Variants in SH3KBP1 observed in about 807,000 individuals in gnomAD.
The protein encoded by SH3KBP1 is SH3 domain-containing kinase-binding protein 1.
Under a neutral mutation model 50.1 loss-of-function variants are expected in SH3KBP1, and 8 were observed. The ratio of observed to expected loss-of-function variants is 0.16; its 90% confidence interval spans 0.09 to 0.29. SH3KBP1 has a LOEUF of 0.29. Among genes scored for constraint, SH3KBP1 ranks in the 10% least tolerant of loss-of-function variants. The pLI is 1.00. For synonymous variants in SH3KBP1, 227 were observed against 218.6 expected (o/e 1.04, Z -0.34); for missense variants, 377 against 535.2 (o/e 0.70, Z 2.92).
chrX:19,744,445 G>A (rs1304471726), intron 3 of SH3KBP1, among the ~76,000 whole-genome samples: 3 of 111,475 alleles, frequency 2.7e-5, no homozygotes, highest in Non-Finnish European at 5.7e-5. Flanking sequence ...GGCAGCCCTG[G>A]GCCTGGTACA....
At chrX:19,618,470 C>T (rs993562782) in intron 8 of SH3KBP1, among the ~76,000 whole-genome samples, 2 of 109,475 alleles carry the variant, frequency 1.8e-5, no homozygotes, top group African/African-American at 6.7e-5. Flanking sequence ...CATGCTGGCC[C>T]AACTCCAGGG....
chrX:19,784,003 T>A (rs1230882282), intron 2 of SH3KBP1, among the ~76,000 whole-genome samples: 1 of 112,153 alleles, frequency 8.9e-6, no homozygotes, highest in Non-Finnish European at 1.9e-5. Context: ...CAGGCCATTA[T>A]GTTCCTCAAA....
At chrX:19,555,942 T>C (rs1182982577) in intron 13 of SH3KBP1, among the ~76,000 whole-genome samples, 1 of 111,984 alleles carries the variant, frequency 8.9e-6, no homozygotes, top group Non-Finnish European at 1.9e-5. Context: ...TGTACTGACA[T>C]TTCCTGTTGA....
rs112597365 is a variant in SH3KBP1, at chrX:19,825,531, G to A, written c.162+10594C>T. Among the ~76,000 whole-genome samples the A allele has an allele frequency of 2.9e-3, 324 of 111,309 alleles. 2 individuals are homozygous for A. Among genetic ancestry groups the A allele is most frequent in the African/African-American group, 1.0e-2 (306 of 30,614 alleles). ...TGAGTATGGCTTTTAACACTGATAT[G>A]CCTCAGTTACCTGTCATAGAGTGGT... On this transcript the variant is annotated intron_variant, in intron 2 of 17. Coordinates refer to ENST00000397821, the MANE Select transcript of SH3KBP1 (RefSeq NM_031892.3).
intron 1 of SH3KBP1, among the ~76,000 whole-genome samples, chrX:19,850,782 A>G (rs920617070): frequency 3.6e-5 from 4 of 110,538 alleles, no homozygotes; most frequent in African/African-American, 1.3e-4. Flanking sequence ...AGGGTGCAGC[A>G]AACTTCCACA....
rs1183485738 is a variant in SH3KBP1 at position 19,874,091 on chromosome X, C to A, written c.4+13216G>T. ...AAAATATATATATATATATATAAAA[C>A]TCTAAAAGAAGTACACTAAAATAAA... On this transcript the variant is annotated intron_variant, in intron 1 of 17. Coordinates refer to ENST00000397821, the MANE Select transcript of SH3KBP1 (RefSeq NM_031892.3). Among the ~76,000 whole-genome samples the A allele has an allele frequency of 3.6e-5, 3 of 84,284 alleles. No individual in the cohort carries two copies. The Admixed American group carries it at 3.8e-4, about 11-fold the overall frequency. 73.2% of individuals were successfully genotyped at this position (84,284 alleles called of 115,157 possible). A position where few individuals can be genotyped will look rare whatever the true frequency, so the allele number is the denominator to read the frequency against.
At chrX:19,780,220 T>G (rs57670557) in intron 2 of SH3KBP1, among the ~76,000 whole-genome samples, 1,162 of 107,530 alleles carry the variant, frequency 0.011, 23 homozygotes, top group African/African-American at 0.036. Flanking sequence ...TCATGTGTCT[T>G]TTGGCTGCAT....
chrX:19,758,080 C>T (rs759337010), intron 2 of SH3KBP1, among the ~76,000 whole-genome samples: 1 of 110,357 alleles, frequency 9.1e-6, no homozygotes, highest in Non-Finnish European at 1.9e-5. Flanking sequence ...AATCCCAGCA[C>T]TCTGAGAGGC....
chrX:19,613,866 T>A (rs145953842), intron 8 of SH3KBP1, among the ~76,000 whole-genome samples: 1 of 112,559 alleles, frequency 8.9e-6, no homozygotes, highest in East Asian at 2.8e-4. Context: ...TGTTCCCTAG[T>A]GACGAAAGCT....
chrX:19,797,298 G>A (rs1004626497), intron 2 of SH3KBP1, among the ~76,000 whole-genome samples: 17 of 111,772 alleles, frequency 1.5e-4, no homozygotes, highest in East Asian at 2.8e-4. Context: ...CCTGAAAGAA[G>A]AGAAAGGGCC....
intron 14 of SH3KBP1, 93 bp from the exon 15 acceptor site, chrX:19,546,143 G>A (rs185484510): frequency 3.8e-5 from 38 of 996,469 alleles, no homozygotes; most frequent in Admixed American, 1.2e-4. Context: ...AAAAGCACTC[G>A]ACACTGCTAT....
At chrX:19,881,685 T>C (rs779046891) in intron 1 of SH3KBP1, among the ~76,000 whole-genome samples, 1 of 111,264 alleles carries the variant, frequency 9.0e-6, no homozygotes, top group African/African-American at 3.3e-5. Flanking sequence ...GCATCGTCAA[T>C]AGGCGACACC....
At chrX:19,812,256 C>T (rs1603258896) in intron 2 of SH3KBP1, among the ~76,000 whole-genome samples, 1 of 111,343 alleles carries the variant, frequency 9.0e-6, no homozygotes, top group African/African-American at 3.3e-5. Context: ...TGACTTCATA[C>T]ACCTCATTCC....
chrX:19,700,947 G>A (rs753821967), intron 4 of SH3KBP1, among the ~76,000 whole-genome samples: 5 of 111,911 alleles, frequency 4.5e-5, no homozygotes, highest in Admixed American at 1.9e-4. Context: ...CATGAGAGGC[G>A]GCCCTCGAAG....
At chrX:19,547,107 A>G (rs747695253) in intron 14 of SH3KBP1, among the ~76,000 whole-genome samples, 1 of 109,429 alleles carries the variant, frequency 9.1e-6, no homozygotes, top group Admixed American at 9.7e-5. Flanking sequence ...AGCCATTGAC[A>G]TTGCACCACT....
intron 2 of SH3KBP1, among the ~76,000 whole-genome samples, chrX:19,769,055 T>G (rs2065704063): frequency 9.3e-6 from 1 of 107,658 alleles, no homozygotes; most frequent in South Asian, 4.0e-4. Flanking sequence ...TGAGCAATAT[T>G]ATTATACAGC....
chrX:19,874,068 A>AAAAAATATATAT (rs1491537486), intron 1 of SH3KBP1, among the ~76,000 whole-genome samples: 2 of 57,045 alleles, frequency 3.5e-5, no homozygotes, highest in African/African-American at 1.6e-4. Context: ...AAAAAAAAAA[A>AAAAAATATATAT]ATATATATAT....
At chrX:19,632,426 G>A (rs1337101028) in intron 7 of SH3KBP1, among the ~76,000 whole-genome samples, 5 of 112,562 alleles carry the variant, frequency 4.4e-5, no homozygotes, top group Admixed American at 9.4e-5. Flanking sequence ...ATAAAACAAT[G>A]AAAAGTTACC....
At chrX:19,542,515 G>T (rs992368411) in intron 15 of SH3KBP1, among the ~76,000 whole-genome samples, 2 of 111,988 alleles carry the variant, frequency 1.8e-5, no homozygotes, top group Non-Finnish European at 3.8e-5. Flanking sequence ...GCCTTAATAG[G>T]CATTCTCCTG....
Sources: allele counts gnomAD v4.1 joint callset (sites outside exome capture counted in the v4.1 genomes callset), GRCh38; gene constraint gnomAD v4.1.1; transcripts MANE v1.5; gene names NCBI Gene and HGNC (gene_info 2026-07-23, HGNC 2026-07-21).